FAM227B: variants seen among roughly 807,000 people sequenced by gnomAD.
FAM227B encodes protein FAM227B.
In FAM227B, 88 loss-of-function variants were observed where a neutral mutation model predicts 73.8. That is an observed-to-expected ratio of 1.19 (90% confidence interval 1.00 to 1.42). The LOEUF (loss-of-function observed/expected upper bound fraction) is 1.42, where lower values mean the gene tolerates loss of function less well. FAM227B is among the 40% of genes most tolerant of loss of function. FAM227B has a pLI of 0.00. For synonymous variants in FAM227B, 210 were observed against 190.5 expected, an observed-to-expected ratio of 1.10 and a Z score of -0.84; for missense variants, 632 against 590.9, an observed-to-expected ratio of 1.07 and a Z score of -0.72.
At chr15:49,584,104 A>G (rs1202723027) in intron 5 of FAM227B, among the ~76,000 whole-genome samples, 2 of 152,210 alleles carry the variant, frequency 1.3e-5, no homozygotes, top group African/African-American at 4.8e-5. Context: ...CATTGATGCA[A>G]AAATCCTCAA....
chr15:49,475,857 G>A lies in FAM227B; in HGVS notation c.1012+32354C>T, dbSNP rs188937940. 3.3e-3 allele frequency among the ~76,000 whole-genome samples: 506 copies of A among 152,168 alleles called. 1 individual carries two copies. Among genetic ancestry groups the A allele is most frequent in the Non-Finnish European group, 3.2e-3 (218 of 68,002 alleles). On this transcript the variant is annotated intron_variant, in intron 11 of 15. Coordinates refer to ENST00000299338, the MANE Select transcript of FAM227B (RefSeq NM_152647.3). ...ACAAAAATTAGGCGGTCGTGGTGGC[G>A]CATGCCTGTAATTGCAGCTACAAGG...
intron 9 of FAM227B, among the ~76,000 whole-genome samples, chr15:49,551,528 A>C (rs1034614110): frequency 1.3e-5 from 2 of 152,152 alleles, no homozygotes; most frequent in Non-Finnish European, 2.9e-5. Flanking sequence ...CAACAGAACA[A>C]TGAGTCTTGT....
At chr15:49,483,294 C>G (rs1244971161) in intron 11 of FAM227B, 2 of 1,020,390 alleles carry the variant, frequency 2.0e-6, no homozygotes, top group South Asian at 2.6e-5. Flanking sequence ...TTTTAAAACT[C>G]ATTTTTGTCA....
chr15:49,400,586 C>T (rs2048064050), intron 11 of FAM227B, among the ~76,000 whole-genome samples: 1 of 74,362 alleles, frequency 1.3e-5, no homozygotes, highest in Non-Finnish European at 2.9e-5. Flanking sequence ...CATCACACTA[C>T]CTGACTTCAA....
chr15:49,450,566 T>G (rs1228647351), intron 11 of FAM227B, among the ~76,000 whole-genome samples: 3 of 152,136 alleles, frequency 2.0e-5, no homozygotes, highest in Non-Finnish European at 4.4e-5. Context: ...TATGTGCCCC[T>G]GAAAATATGA....
intron 9 of FAM227B, among the ~76,000 whole-genome samples, chr15:49,543,797 T>C (rs193100683): frequency 6.6e-6 from 1 of 152,336 alleles, no homozygotes; most frequent in East Asian, 1.9e-4. Flanking sequence ...TTGTCAAAGA[T>C]CAGTTGGCTG....
chr15:49,610,420 T>TAAA (rs72044107), intron 3 of FAM227B, among the ~76,000 whole-genome samples: 32 of 119,590 alleles, frequency 2.7e-4, no homozygotes, highest in Non-Finnish European at 4.0e-4. Context: ...ACATTGAAAG[T>TAAA]AAAAAAAAAA....
At chr15:49,611,039 G>C (rs73406013) in intron 3 of FAM227B, among the ~76,000 whole-genome samples, 176 bp downstream of exon 3, 9,039 of 152,082 alleles carry the variant, frequency 0.059, 969 homozygotes, top group African/African-American at 0.21. Flanking sequence ...GTTGACAAGA[G>C]GGAAGACTAC....
At chr15:49,463,326 G>A (rs2053970321) in intron 11 of FAM227B, among the ~76,000 whole-genome samples, 1 of 152,122 alleles carries the variant, frequency 6.6e-6, no homozygotes. Flanking sequence ...GGCTGAGGTG[G>A]GTGGATCACC....
At chr15:49,370,467 A>G (rs1023813186) in intron 12 of FAM227B, among the ~76,000 whole-genome samples, 1 of 152,226 alleles carries the variant, frequency 6.6e-6, no homozygotes, top group African/African-American at 2.4e-5. Context: ...ATTGACTTCT[A>G]TACATCACCA....
rs543683785 is a variant in FAM227B, at chr15:49,484,292, G to A, written c.1012+23919C>T. The A allele has an allele frequency of 2.7e-4, 419 of 1,560,696 alleles. 6 individuals carry two copies. In the South Asian group the frequency reaches 4.5e-3, roughly 17 times the overall value. On this transcript the variant is annotated intron_variant, in intron 11 of 15. Coordinates refer to ENST00000299338, the MANE Select transcript of FAM227B (RefSeq NM_152647.3). ...AAAATCATTTGGATAATGTCTGTTT[G>A]TTTGTTTGTTTTAACAGAAAGAATG...
chr15:49,531,128 C>T (rs968671603), intron 10 of FAM227B, among the ~76,000 whole-genome samples: 4 of 151,630 alleles, frequency 2.6e-5, no homozygotes, highest in Non-Finnish European at 5.9e-5. Flanking sequence ...AAATTCTTTG[C>T]CACTAAAAAG....
intron 11 of FAM227B, among the ~76,000 whole-genome samples, chr15:49,406,475 C>G (rs991042971): frequency 6.6e-6 from 1 of 151,522 alleles, no homozygotes; most frequent in Non-Finnish European, 1.5e-5. Context: ...GATTTATGCA[C>G]TGCAGGCAGG....
At chr15:49,380,140 G>A (rs547105681) in intron 11 of FAM227B, among the ~76,000 whole-genome samples, 15 of 151,904 alleles carry the variant, frequency 9.9e-5, no homozygotes, top group East Asian at 5.8e-4. Context: ...AGGCAGAGGC[G>A]CCTCACCCCA....
intron 11 of FAM227B, among the ~76,000 whole-genome samples, chr15:49,493,885 T>TAC (rs2057349959): frequency 7.1e-6 from 1 of 140,782 alleles, no homozygotes; most frequent in Non-Finnish European, 1.5e-5. Context: ...TATATATATA[T>TAC]ATATGTGTGT....
intron 9 of FAM227B, among the ~76,000 whole-genome samples, chr15:49,547,534 C>CTG (rs757204083): frequency 1.3e-4 from 19 of 151,488 alleles, no homozygotes; most frequent in Non-Finnish European, 2.4e-4. Flanking sequence ...TCAGGAAACC[C>CTG]ATCTCAAGTG....
In FAM227B at chr15:49,591,856, T is replaced by C. The variant is rs576898772; in HGVS notation, c.106-1849A>G. On this transcript the variant is annotated intron_variant, in intron 3 of 15. Transcript: ENST00000299338. ...TACACATGCACACACACAAAGAAAA[T>C]GTGTTCTATGTATATACAGCCACAC... Among the ~76,000 whole-genome samples the C allele has an allele frequency of 8.5e-5, 13 of 152,260 alleles. 1 individual carries two copies. Among genetic ancestry groups the C allele is most frequent in the Middle Eastern group, 6.8e-3 (2 of 294 alleles).
At chr15:49,356,400 C>A (rs1219441296) in intron 13 of FAM227B, among the ~76,000 whole-genome samples, 18 of 149,364 alleles carry the variant, frequency 1.2e-4, no homozygotes, top group African/African-American at 2.2e-4. Context: ...TCTACCAAGC[C>A]AATGGAAAAC....
rs186668462 is a variant in FAM227B, at chr15:49,464,496, T to A, written c.1012+43715A>T. Among the ~76,000 whole-genome samples, 23 of 152,272 alleles carry A rather than the reference T, an allele frequency of 1.5e-4. No individual in the cohort carries two copies. The East Asian group carries it at 1.9e-3, about 13-fold the overall frequency. On this transcript the variant is annotated intron_variant, in intron 11 of 15. Coordinates refer to ENST00000299338, the MANE Select transcript of FAM227B (RefSeq NM_152647.3). ...ACATCTCTAAATTCATGAACTAAGC[T>A]AATGATGATAAAATGCTGGAAGACA...
Sources: allele counts gnomAD v4.1 joint callset (sites outside exome capture counted in the v4.1 genomes callset), GRCh38; gene constraint gnomAD v4.1.1; transcripts MANE v1.5; gene names NCBI Gene and HGNC (gene_info 2026-07-23, HGNC 2026-07-21).